The following TTC21A variants were observed in gnomAD, a reference collection of about 807,000 sequenced individuals.
The protein encoded by TTC21A is tetratricopeptide repeat domain 21A.
A neutral mutation model predicts 156.4 loss-of-function variants in TTC21A; 128 were observed. The observed-to-expected ratio is 0.82, with a 90% CI of 0.71 to 0.95. The LOEUF (loss-of-function observed/expected upper bound fraction) is 0.95. TTC21A is among the 40% of genes least tolerant of loss of function. The pLI, the probability that TTC21A is intolerant of heterozygous loss-of-function variation, is 0.00. For synonymous variants in TTC21A, 587 were observed against 617.1 expected, an observed-to-expected ratio of 0.95 and a Z score of 0.72; for missense variants, 1,435 against 1,602.3, an observed-to-expected ratio of 0.90 and a Z score of 1.78.
chr3:39,117,201 A>C (rs1291917797), intron 6 of TTC21A, among the ~76,000 whole-genome samples: 1 of 152,208 alleles, frequency 6.6e-6, no homozygotes, highest in East Asian at 1.9e-4. Flanking sequence ...TTGGTCTATA[A>C]GTTATTTCAA....
At chr3:39,135,489 T>TC (rs1324386075) in intron 22 of TTC21A, among the ~76,000 whole-genome samples, 2 of 152,136 alleles carry the variant, frequency 1.3e-5, no homozygotes, top group African/African-American at 2.4e-5. Flanking sequence ...CTAGAAATTC[T>TC]CCCCCGTTGT....
At chr3:39,119,653 GAAAA>G (rs751803481) in intron 7 of TTC21A, 3 of 223,886 alleles carry the variant, frequency 1.3e-5, no homozygotes, top group Non-Finnish European at 2.5e-5. Context: ...AGAAAAAAAA[GAAAA>G]AAAAAAAACA....
At chr3:39,107,989 T>G (rs2036374104) in intron 1 of TTC21A, 125 bp downstream of exon 1, 2 of 1,242,996 alleles carry the variant, frequency 1.6e-6, no homozygotes, top group Non-Finnish European at 2.3e-6. Context: ...GGTCCTGCCT[T>G]TTCTTGCCCC....
chr3:39,113,421 C>T (rs144464808), intron 5 of TTC21A, among the ~76,000 whole-genome samples: 1 of 152,214 alleles, frequency 6.6e-6, no homozygotes, highest in Non-Finnish European at 1.5e-5. Flanking sequence ...CTTTGGGGAA[C>T]TCTGGAGCCG....
chr3:39,137,105 G>C, intron 24 of TTC21A, 45 bp downstream of exon 24: 1 of 1,604,512 alleles, frequency 6.2e-7, no homozygotes, highest in Non-Finnish European at 8.5e-7. Flanking sequence ...GGAAGTTACA[G>C]AAAGCCTGCA....
intron 20 of TTC21A, among the ~76,000 whole-genome samples, chr3:39,133,863 G>A (rs902286624): frequency 1.3e-5 from 2 of 152,202 alleles, no homozygotes; most frequent in African/African-American, 4.8e-5. Context: ...CACAGGCAGC[G>A]CTAATGCCAT....
chr3:39,125,624 C>T, intron 11 of TTC21A, 92 bp downstream of exon 11: 2 of 943,330 alleles, frequency 2.1e-6, no homozygotes, highest in African/African-American at 1.6e-5. Context: ...CTTACTTGGC[C>T]AGTCACAAGT....
rs1475971751 is a variant in TTC21A at position 39,125,355 on chromosome 3, C to T, written c.1215C>T (p.Leu405=). The change falls in exon 11 of 29, where the codon CTC becomes CTT. Residue 405 remains leucine, a synonymous_variant. Transcript: ENST00000683103. Reference sequence around the variant, plus strand: ...AGGTGCTAATTTTCCTCCAAGCCCTCCTGATGTCCAGGAAGCACAAGGGGG... The same window carrying T: ...AGGTGCTAATTTTCCTCCAAGCCCTTCTGATGTCCAGGAAGCACAAGGGGG... The part of the protein sequence containing the change: ...KSEVLIFLQA[L]LMSRKHKGEE... 15 of 1,614,124 alleles carry T rather than the reference C, an allele frequency of 9.3e-6. No individual in the cohort carries two copies. The highest frequency in any genetic ancestry group is 1.3e-5 in the Non-Finnish European group (15 of 1,180,030).
At chr3:39,125,580 G>A in intron 11 of TTC21A, 48 bp downstream of exon 11, 1 of 1,370,514 alleles carries the variant, frequency 7.3e-7, no homozygotes, top group Non-Finnish European at 1.0e-6. Flanking sequence ...GTACAGGTTT[G>A]GATGGTGCCC....
chr3:39,109,564 G>C (rs536747483), intron 2 of TTC21A, among the ~76,000 whole-genome samples: 1 of 152,240 alleles, frequency 6.6e-6, no homozygotes, highest in Non-Finnish European at 1.5e-5. Flanking sequence ...GGACAGGTGG[G>C]TATGGTACAG....
chr3:39,111,115 G>A, intron 4 of TTC21A, 98 bp downstream of exon 4: 1 of 1,369,688 alleles, frequency 7.3e-7, no homozygotes. Context: ...CTGAAACTGG[G>A]GGAGAGCCAC....
chr3:39,131,989 A>G (rs112228796), intron 19 of TTC21A, among the ~76,000 whole-genome samples: 105 of 152,286 alleles, frequency 6.9e-4, no homozygotes, highest in African/African-American at 2.3e-3. Context: ...CAGCAGGGAT[A>G]TGATTTTGTT....
chr3:39,112,566 G>A lies in TTC21A; in HGVS notation c.544G>A (p.Gly182Arg). 1 of 1,614,078 alleles carries A rather than the reference G, an allele frequency of 6.2e-7. No individual in the cohort carries two copies. The highest frequency in any genetic ancestry group is 8.5e-7 in the Non-Finnish European group (1 of 1,180,004). Residue 182 changes from glycine to arginine, a missense_variant, in exon 5 of 29, where the codon GGG (glycine) becomes AGG (arginine). Transcript: ENST00000683103. ...QGIQDTKDVL[G>R]LMGKAMYFMM... The stretch of plus-strand genomic sequence containing the variant: ...AATTCAGGACACCAAAGATGTGCTG[G>A]GGCTGATGGGAAAGGTGGGCAGTGG...
rs746920377 is a variant in TTC21A, at chr3:39,131,042, G to T, written c.2509G>T (p.Ala837Ser). 6.2e-7 allele frequency: 1 copy of T among 1,613,460 alleles called. No homozygotes were observed. The highest frequency in any genetic ancestry group is 2.2e-5 in the East Asian group (1 of 44,880). ...MNDVKCLLLL[A>S]KVYKSHKKEA... ...TGATGTTAAGTGCCTGCTTTTGCTGGCAAAGGTTTACAAGAGCCATAAAAA... is the reference window on the plus strand; with the variant it reads ...TGATGTTAAGTGCCTGCTTTTGCTGTCAAAGGTTTACAAGAGCCATAAAAA... The change falls in exon 19 of 29, where the codon GCA becomes TCA. Residue 837 changes from alanine (A) to serine (S), a missense_variant. By Grantham distance (99) the Ala-to-Ser change is moderately conservative (BLOSUM62 1). Coordinates refer to ENST00000683103, the MANE Select transcript of TTC21A (RefSeq NM_001366900.1).
In TTC21A at chr3:39,125,537, G is replaced by A; in HGVS notation, c.1392+5G>A. On this transcript the variant is annotated splice_donor_5th_base_variant and intron_variant, in intron 11 of 28. Transcript: ENST00000683103. ...TTGCTCTTCTGCCCCAAGCAGGTTA[G>A]GGGAAGGCCTGTCTTCATGGTGGGG... 6.2e-7 allele frequency: 1 copy of A among 1,604,406 alleles called. No individual in the cohort carries two copies. The highest frequency in any genetic ancestry group is 1.1e-5 in the South Asian group (1 of 90,806).
rs532918728 is a variant in TTC21A at position 39,108,043 on chromosome 3, C to G, written c.27+179C>G. 5.3e-5 allele frequency: 35 copies of G among 662,378 alleles called. No homozygotes were observed. In the East Asian group the frequency reaches 6.5e-4, roughly 12 times the overall value. 41.0% of individuals were successfully genotyped at this position (662,378 alleles called of 1,614,324 possible). ...GTCTTCTCCGGTGGCTTCTGCGCAC[C>G]CTGAGCCCCAAATTAGCATCCCCGT... On this transcript the variant is annotated intron_variant, in intron 1 of 28. Transcript: ENST00000683103.
At position 39,130,887 on chromosome 3, in the gene TTC21A, C is replaced by T; in HGVS notation, c.2458+48C>T. On this transcript the variant is annotated intron_variant, in intron 18 of 28. Coordinates refer to ENST00000683103, the MANE Select transcript of TTC21A (RefSeq NM_001366900.1). This position sits in a 1 kb window ranked among gnomAD's most constrained non-coding sequence, Gnocchi z 4.5. The stretch of plus-strand genomic sequence containing the variant: ...TTCTAGCATTTGGAGCAGACATACT[C>T]CTCCCCCATTCCCCATTAGCTGAAG... The T allele has an allele frequency of 6.2e-7, 1 of 1,611,288 alleles. No homozygotes were observed. The highest frequency in any genetic ancestry group is 8.5e-7 in the Non-Finnish European group (1 of 1,177,890).
intron 26 of TTC21A, 111 bp downstream of exon 26, chr3:39,137,821 C>T (rs1181451943): frequency 1.0e-5 from 12 of 1,183,956 alleles, no homozygotes; most frequent in East Asian, 5.1e-5. Context: ...AAGAACTAGT[C>T]GGGAAGAGGC....
chr3:39,117,245 A>G (rs2037370613), intron 6 of TTC21A, among the ~76,000 whole-genome samples: 1 of 152,222 alleles, frequency 6.6e-6, no homozygotes, highest in Non-Finnish European at 1.5e-5. Flanking sequence ...TCTCACATGT[A>G]TGAGGTTTAC....
Sources: gnomAD v4.1 joint callset for allele counts (sites outside exome capture counted in the v4.1 genomes callset) on GRCh38, gnomAD v4.1.1 for gene constraint, Gnocchi (gnomAD v3.1) non-coding constraint, MANE v1.5 for transcripts, NCBI Gene and HGNC (gene_info 2026-07-23, HGNC 2026-07-21) for gene names.